Variants in ARHGEF17 observed in about 807,000 individuals in gnomAD.
ARHGEF17 encodes Rho guanine nucleotide exchange factor 17.
Under a neutral mutation model 174.0 loss-of-function variants are expected in ARHGEF17, and 80 were observed. That is an observed-to-expected ratio of 0.46 (90% CI 0.38 to 0.55). The LOEUF is 0.55. ARHGEF17 is among the 20% of genes least tolerant of loss of function. The pLI is 0.00. For synonymous variants in ARHGEF17, 1,311 were observed against 1,189.1 expected (o/e 1.10, Z -2.11); for missense variants, 2,886 against 2,839.7 (o/e 1.02, Z -0.37).
chr11:73,324,095 G>A lies in ARHGEF17; in HGVS notation c.3192+12265G>A, dbSNP rs548615101. On this transcript the variant is annotated intron_variant, in intron 1 of 20. Transcript: ENST00000263674. ...AGGGACTGGTCTTAGGAAAACGGCC[G>A]TGTAGGGCAGAGTCCCCCTCAGCTT... Among the ~76,000 whole-genome samples, 23 of 152,310 alleles carry A rather than the reference G, an allele frequency of 1.5e-4. No homozygotes were observed. The South Asian group carries it at 3.1e-3, about 21-fold the overall frequency.
intron 2 of ARHGEF17, among the ~76,000 whole-genome samples, chr11:73,347,423 C>T (rs567852760): frequency 5.9e-5 from 9 of 152,276 alleles, no homozygotes; most frequent in East Asian, 3.9e-4. Flanking sequence ...CTGCTGAGTA[C>T]GTAGTGGAGT....
chr11:73,334,491 C>T (rs1865256511), intron 1 of ARHGEF17, among the ~76,000 whole-genome samples: 1 of 152,132 alleles, frequency 6.6e-6, no homozygotes, highest in African/African-American at 2.4e-5. Context: ...TTCAGGCTTC[C>T]CTAGGTCTCT....
intron 14 of ARHGEF17, 103 bp downstream of exon 14, chr11:73,362,837 G>T: frequency 7.2e-7 from 1 of 1,391,780 alleles, no homozygotes. Flanking sequence ...CATGGCGTCA[G>T]ACCTCAGGAT....
chr11:73,364,384 T>C, intron 17 of ARHGEF17, 68 bp from the exon 18 acceptor site: 11 of 1,610,706 alleles, frequency 6.8e-6, no homozygotes, highest in Non-Finnish European at 9.3e-6. Flanking sequence ...TAACATCTCA[T>C]TTCAGGGGAG....
At chr11:73,340,228 A>G (rs1354745777) in intron 1 of ARHGEF17, among the ~76,000 whole-genome samples, 2 of 152,020 alleles carry the variant, frequency 1.3e-5, no homozygotes, top group African/African-American at 4.8e-5. Flanking sequence ...GCCCCACTCC[A>G]TTGCCAAGAC....
intron 3 of ARHGEF17, among the ~76,000 whole-genome samples, chr11:73,353,940 A>G (rs1237614772): frequency 6.6e-6 from 1 of 152,240 alleles, no homozygotes; most frequent in Admixed American, 6.5e-5. Flanking sequence ...ATTCCCAAGA[A>G]TACACCATGA....
chr11:73,323,764 G>A (rs1291119599), intron 1 of ARHGEF17, among the ~76,000 whole-genome samples: 1 of 152,146 alleles, frequency 6.6e-6, no homozygotes, highest in Non-Finnish European at 1.5e-5. Context: ...ATAGTCCCGG[G>A]CCTGGCCCCA....
rs768696877 is a variant in ARHGEF17, at chr11:73,309,914, G to C, written c.1276G>C (p.Gly426Arg). Residue 426 changes from glycine (G) to arginine (R), a missense_variant, in exon 1 of 21, where the codon GGG (glycine) becomes CGG (arginine). Gly to Arg is a moderately radical substitution (Grantham distance 125, BLOSUM62 -2). Around this residue, in one of 4 missense-constraint regions of ARHGEF17, gnomAD observed 1,728 missense variants for 1,461.2 expected, o/e 1.18. Coordinates refer to ENST00000263674, the MANE Select transcript of ARHGEF17 (RefSeq NM_014786.4). ...YRSPSFGAGEGLLRSQARTRA... is the reference protein window; with the variant it reads ...YRSPSFGAGERLLRSQARTRA... Reference sequence around the variant, plus strand: ...CTCCCCTAGCTTTGGAGCTGGGGAAGGGCTCCTGCGGTCCCAGGCTCGAAC... The same window carrying C: ...CTCCCCTAGCTTTGGAGCTGGGGAACGGCTCCTGCGGTCCCAGGCTCGAAC... 13 of 1,613,240 alleles carry C rather than the reference G, an allele frequency of 8.1e-6. No homozygotes were observed. Among genetic ancestry groups the C allele is most frequent in the Non-Finnish European group, 1.1e-5 (13 of 1,179,720 alleles).
chr11:73,352,201 G>A (rs1374452090), intron 2 of ARHGEF17, among the ~76,000 whole-genome samples: 2 of 152,140 alleles, frequency 1.3e-5, no homozygotes, highest in Non-Finnish European at 2.9e-5. Flanking sequence ...GCGCAGACCT[G>A]TAATCCCAGC....
At chr11:73,364,343 C>T (rs1865801854) in intron 17 of ARHGEF17, 104 bp downstream of exon 17, 1 of 1,602,178 alleles carries the variant, frequency 6.2e-7, no homozygotes, top group Non-Finnish European at 8.5e-7. Context: ...CTCTGTGGGC[C>T]TTGGTTTCTT....
intron 1 of ARHGEF17, among the ~76,000 whole-genome samples, chr11:73,329,463 G>A (rs1865168856): frequency 2.8e-5 from 4 of 144,422 alleles, no homozygotes; most frequent in South Asian, 2.2e-4. Context: ...GCAGTGGTGC[G>A]ATCTCAGCTC....
chr11:73,339,975 C>A (rs1330880087), intron 1 of ARHGEF17, among the ~76,000 whole-genome samples: 2 of 152,186 alleles, frequency 1.3e-5, no homozygotes, highest in Admixed American at 1.3e-4. Flanking sequence ...TACAACTGCA[C>A]ATACCCCAAA....
chr11:73,351,999 A>G (rs1565204002), intron 2 of ARHGEF17, among the ~76,000 whole-genome samples: 1 of 152,228 alleles, frequency 6.6e-6, no homozygotes. Context: ...GTAGCATATC[A>G]TAATTTAATT....
At chr11:73,356,660 A>G in intron 6 of ARHGEF17, 49 bp from the exon 7 acceptor site, 1 of 1,610,694 alleles carries the variant, frequency 6.2e-7, no homozygotes, top group East Asian at 2.2e-5. Flanking sequence ...TGGAGGGGAT[A>G]GGGATTAATA....
rs567914028 is a variant in ARHGEF17 at position 73,353,004 on chromosome 11, G to C, written c.3445G>C (p.Val1149Leu). 1.9e-6 allele frequency: 3 copies of C among 1,613,494 alleles called. No homozygotes were observed. The highest frequency in any genetic ancestry group is 1.7e-5 in the Admixed American group (1 of 60,002). The change falls in exon 3 of 21, where the codon GTC becomes CTC. Residue 1149 changes from valine to leucine, a missense_variant. Physicochemically the swap from Val to Leu is conservative, Grantham distance 32 (BLOSUM62 1). Coordinates refer to ENST00000263674, the MANE Select transcript of ARHGEF17 (RefSeq NM_014786.4). ...HAQQKVGALL[V>L]QSFSKDVLVN... ...CCAGCAGAAGGTGGGAGCCCTGCTC[G>C]TCCAGTCGGTGAGTGGCCCCGCTGC...
At position 73,367,937 on chromosome 11, in the gene ARHGEF17, G is replaced by T. The variant is rs1865869316; in HGVS notation, c.*157G>T. ...TGTCTTCGCGGAAGCATTCCTGATG[G>T]AACACCCACTGGCCAGCCAGGCCAT... On this transcript the variant is annotated 3_prime_UTR_variant, in exon 21 of 21. Coordinates refer to ENST00000263674, the MANE Select transcript of ARHGEF17 (RefSeq NM_014786.4). 1.3e-6 allele frequency: 1 copy of T among 774,930 alleles called. No individual in the cohort carries two copies. The highest frequency in any genetic ancestry group is 2.0e-6 in the Non-Finnish European group (1 of 507,026). The allele number at this position is 774,930 out of a possible 1,614,324, so 48.0% of individuals were successfully genotyped here.
chr11:73,364,020 C>T, intron 16 of ARHGEF17, 152 bp from the exon 17 acceptor site: 1 of 1,057,994 alleles, frequency 9.5e-7, no homozygotes, highest in Non-Finnish European at 1.4e-6. Context: ...ACCCCCTTTT[C>T]TTAGCCTCAG....
At chr11:73,329,323 A>G (rs191333856) in intron 1 of ARHGEF17, among the ~76,000 whole-genome samples, 759 of 3,054 alleles carry the variant, frequency 0.25, 29 homozygotes, top group African/African-American at 0.4. Flanking sequence ...GAGAGCTTTC[A>G]TATATATATA....
chr11:73,356,167 C>T lies in ARHGEF17; in HGVS notation c.3664-8C>T. The T allele has an allele frequency of 1.2e-6, 2 of 1,613,574 alleles. No individual in the cohort carries two copies. The highest frequency in any genetic ancestry group is 2.2e-5 in the East Asian group (1 of 44,864). On this transcript the variant is annotated splice_region_variant and splice_polypyrimidine_tract_variant and intron_variant, in intron 5 of 20. Transcript: ENST00000263674. ...AGCAGTCAGGTCTGCTCCCCATTCC[C>T]ACCCCAGGACCTCCTGAAGCATACA...
Sources: gnomAD v4.1 joint callset for allele counts (sites outside exome capture counted in the v4.1 genomes callset) on GRCh38, gnomAD v4.1.1 for gene constraint, gnomAD v4.1.1 regional missense constraint, MANE v1.5 for transcripts, NCBI Gene and HGNC (gene_info 2026-07-23, HGNC 2026-07-21) for gene names.